The following TRERF1 variants were observed in gnomAD, a reference collection of about 807,000 sequenced individuals.
TRERF1 encodes the protein transcriptional-regulating factor 1.
Under a neutral mutation model 122.9 loss-of-function variants are expected in TRERF1, and 27 were observed. That is an observed-to-expected ratio of 0.22 (90% CI 0.16 to 0.30). The LOEUF (loss-of-function observed/expected upper bound fraction) is 0.30. Among genes scored for constraint, TRERF1 ranks in the 10% least tolerant of loss-of-function variants. TRERF1 has a pLI of 1.00. For missense variants in TRERF1, 1,248 were observed against 1,560.3 expected, an observed-to-expected ratio of 0.80 and a Z score of 3.37; for synonymous variants, 636 against 641.7, an observed-to-expected ratio of 0.99 and a Z score of 0.13.
At chr6:42,365,390 G>A (rs1772538503) in intron 2 of TRERF1, among the ~76,000 whole-genome samples, 1 of 152,100 alleles carries the variant, frequency 6.6e-6, no homozygotes. Flanking sequence ...TCCTAAAGCT[G>A]AATTCAAAGG....
At chr6:42,261,960 C>T (rs1455336413) in intron 8 of TRERF1, among the ~76,000 whole-genome samples, 1 of 152,018 alleles carries the variant, frequency 6.6e-6, no homozygotes, top group Non-Finnish European at 1.5e-5. Context: ...CTGCCCCTGT[C>T]TTTCTCTTAC....
chr6:42,334,973 C>T (rs868059539), intron 3 of TRERF1, among the ~76,000 whole-genome samples: 40 of 152,194 alleles, frequency 2.6e-4, no homozygotes, highest in African/African-American at 9.2e-4. Flanking sequence ...CTCTAGAGTC[C>T]TAACATCCAT....
chr6:42,338,032 G>C (rs567490933), intron 3 of TRERF1, among the ~76,000 whole-genome samples: 1 of 152,178 alleles, frequency 6.6e-6, no homozygotes, highest in Non-Finnish European at 1.5e-5. Context: ...TTTAACAAGA[G>C]CCCCCAGGTG....
At chr6:42,292,444 A>C (rs1381785784) in intron 4 of TRERF1, among the ~76,000 whole-genome samples, 1 of 152,188 alleles carries the variant, frequency 6.6e-6, no homozygotes, top group Admixed American at 6.5e-5. Context: ...TTTTATCCAC[A>C]ATGATGATCC....
At position 42,228,668 on chromosome 6, in the gene TRERF1, C is replaced by T; in HGVS notation, c.3280G>A (p.Val1094Ile). Residue 1094 changes from valine (V) to isoleucine (I), a missense_variant and splice_region_variant, in exon 18 of 18, where the codon GTC becomes ATC. Coordinates refer to ENST00000372922, the Ensembl canonical transcript of TRERF1. The surrounding 1 kb of genome is among the most constrained non-coding windows in gnomAD (Gnocchi z 4.2). ...TTTCGGCTTTTGATCTTGAAGAAGA[C>T]TCTAAAAATAAAGAAAGAGAGGTGT... 1 of 1,587,870 alleles carries T rather than the reference C, an allele frequency of 6.3e-7. No individual in the cohort carries two copies. The highest frequency in any genetic ancestry group is 8.6e-7 in the Non-Finnish European group (1 of 1,169,058).
At chr6:42,355,588 G>A (rs906997301) in intron 3 of TRERF1, among the ~76,000 whole-genome samples, 4 of 152,106 alleles carry the variant, frequency 2.6e-5, no homozygotes, top group Admixed American at 6.5e-5. Context: ...TCTCAATCCC[G>A]CAACAGTTTA....
chr6:42,279,303 G>T (rs1339028494), intron 4 of TRERF1, among the ~76,000 whole-genome samples: 1 of 152,160 alleles, frequency 6.6e-6, no homozygotes, highest in Non-Finnish European at 1.5e-5. Flanking sequence ...CTGCCCCCAA[G>T]AACTTGGGGC....
chr6:42,328,342 A>C (rs1261532992), intron 3 of TRERF1, among the ~76,000 whole-genome samples: 5 of 152,068 alleles, frequency 3.3e-5, no homozygotes, highest in Admixed American at 6.6e-5. Flanking sequence ...ACAAACAAAC[A>C]AAAAAACAAC....
intron 2 of TRERF1, among the ~76,000 whole-genome samples, chr6:42,430,324 T>A (rs190631563): frequency 1.3e-5 from 2 of 152,156 alleles, no homozygotes; most frequent in Non-Finnish European, 2.9e-5. Context: ...TCAAACAATC[T>A]TAAGAAAACC....
At chr6:42,440,090 T>A (rs1202204887) in intron 2 of TRERF1, among the ~76,000 whole-genome samples, 1 of 152,104 alleles carries the variant, frequency 6.6e-6, no homozygotes, top group African/African-American at 2.4e-5. Flanking sequence ...AGGGCACTCA[T>A]CTCTTCTAAC....
At chr6:42,422,727 C>G (rs956146937) in intron 2 of TRERF1, among the ~76,000 whole-genome samples, 1 of 152,062 alleles carries the variant, frequency 6.6e-6, no homozygotes, top group African/African-American at 2.4e-5. Context: ...CCCCTGCACT[C>G]TGTGCCCCTT....
Position 42,269,140 on chromosome 6 carries a change from CA to C in TRERF1, c.450del (p.Phe150LeufsTer23). 6.2e-7 allele frequency: 1 copy of C among 1,614,202 alleles called. No homozygotes were observed. The highest frequency in any genetic ancestry group is 8.5e-7 in the Non-Finnish European group (1 of 1,180,038). ...ACCTGAATTCGCAGGTTTTGGTTGGCAAACACCTGGGTGAAAGAGTCCAGCT... is the reference window on the plus strand; with the variant it reads ...ACCTGAATTCGCAGGTTTTGGTTGGCAACACCTGGGTGAAAGAGTCCAGCT... On this transcript the variant is annotated frameshift_variant, in exon 5 of 18. Transcript: ENST00000372922. LOFTEE classifies it high-confidence loss of function. This position sits in a 1 kb window ranked among gnomAD's most constrained non-coding sequence, Gnocchi z 4.9.
At chr6:42,310,260 C>G (rs926979093) in intron 3 of TRERF1, among the ~76,000 whole-genome samples, 1 of 152,170 alleles carries the variant, frequency 6.6e-6, no homozygotes, top group African/African-American at 2.4e-5. Flanking sequence ...TGAGCCACCA[C>G]GCCCCGGCCT....
In TRERF1 at chr6:42,287,813, T is replaced by C. The variant is rs186310955; in HGVS notation, c.-259+12825A>G. ...GGTCGGGTCTCACCCCCTCCAGCCC[T>C]GACACACCACCCTCTCCTTAAAACC... On this transcript the variant is annotated intron_variant, in intron 4 of 17. Coordinates refer to ENST00000372922, the Ensembl canonical transcript of TRERF1. 3.5e-4 allele frequency among the ~76,000 whole-genome samples: 53 copies of C among 152,226 alleles called. 1 individual carries two copies. In the East Asian group the frequency reaches 7.7e-3, roughly 22 times the overall value.
chr6:42,398,512 TC>T (rs745982093), intron 2 of TRERF1, among the ~76,000 whole-genome samples: 5 of 152,160 alleles, frequency 3.3e-5, no homozygotes, highest in Non-Finnish European at 7.4e-5. Flanking sequence ...ACCCCCCGCT[TC>T]CACTACTCCA....
intron 2 of TRERF1, among the ~76,000 whole-genome samples, chr6:42,374,120 A>C (rs1212338479): frequency 6.8e-6 from 1 of 147,666 alleles, no homozygotes; most frequent in Non-Finnish European, 1.5e-5. Context: ...CAACAAAGTG[A>C]GACTCTGTCT....
chr6:42,304,321 G>A (rs189070320), intron 3 of TRERF1, among the ~76,000 whole-genome samples: 74 of 152,334 alleles, frequency 4.9e-4, no homozygotes, highest in Admixed American at 8.5e-4. Context: ...GTATGGCCTT[G>A]TCCCACTTCT....
In TRERF1 at chr6:42,434,313, T is replaced by C. The variant is rs376171195; in HGVS notation, c.-454+16864A>G. Among the ~76,000 whole-genome samples, 23 of 151,678 alleles carry C rather than the reference T, an allele frequency of 1.5e-4. 1 individual carries two copies. In the South Asian group the frequency reaches 4.2e-3, roughly 27 times the overall value. ...AAAACACAGAGCCATGATTTACAGA[T>C]GCACTCCAAACTCCACAGGGGATCC... is the stretch of plus-strand genomic sequence containing the variant. On this transcript the variant is annotated intron_variant, in intron 2 of 17. Transcript: ENST00000372922.
intron 15 of TRERF1, among the ~76,000 whole-genome samples, chr6:42,236,929 A>C (rs1018294745): frequency 6.6e-5 from 10 of 152,244 alleles, no homozygotes; most frequent in Non-Finnish European, 1.3e-4. Context: ...TGCGGTGTGC[A>C]GAAAGCACGT....
Sources: gnomAD v4.1 joint callset for allele counts (sites outside exome capture counted in the v4.1 genomes callset) on GRCh38, gnomAD v4.1.1 for gene constraint, Gnocchi (gnomAD v3.1) non-coding constraint, MANE v1.5 for transcripts, NCBI Gene and HGNC (gene_info 2026-07-23, HGNC 2026-07-21) for gene names.